SEC14L5: variants seen among roughly 807,000 people sequenced by gnomAD.
SEC14L5 encodes SEC14-like protein 5.
Under a neutral mutation model 84.6 loss-of-function variants are expected in SEC14L5, and 96 were observed. The ratio of observed to expected loss-of-function variants is 1.13; its 90% CI spans 0.96 to 1.34. SEC14L5 has a LOEUF of 1.34. Ranked by LOEUF, SEC14L5 falls within the 40% of genes most tolerant of loss-of-function variation. The pLI is 0.00. For synonymous variants in SEC14L5, 546 were observed against 383.4 expected (o/e 1.42, Z -4.95); for missense variants, 1,224 against 942.5 (o/e 1.30, Z -3.91).
chr16:4,972,954 C>T (rs962332660), intron 2 of SEC14L5, among the ~76,000 whole-genome samples: 7 of 152,220 alleles, frequency 4.6e-5, no homozygotes, highest in Admixed American at 1.3e-4. Flanking sequence ...CTCATTCATT[C>T]GTCCTGTAAA....
chr16:5,006,347 A>G (rs962159478), intron 12 of SEC14L5, among the ~76,000 whole-genome samples: 5 of 152,202 alleles, frequency 3.3e-5, no homozygotes, highest in Admixed American at 2.0e-4. Context: ...TACGCATTCT[A>G]TATTCCCATC....
chr16:4,992,210 G>A (rs1955560546), intron 6 of SEC14L5, among the ~76,000 whole-genome samples, 180 bp downstream of exon 6: 1 of 152,210 alleles, frequency 6.6e-6, no homozygotes, highest in Non-Finnish European at 1.5e-5. Context: ...CTCCATCCTG[G>A]TCCAAGAGCA....
chr16:4,975,472 CAA>C (rs55786860), intron 2 of SEC14L5, among the ~76,000 whole-genome samples: 6 of 77,332 alleles, frequency 7.8e-5, no homozygotes, highest in Non-Finnish European at 4.5e-5. Flanking sequence ...AACTCCATCT[CAA>C]AAAAAAAAAA....
chr16:4,986,324 G>C (rs1362351287), intron 2 of SEC14L5, among the ~76,000 whole-genome samples: 1 of 152,054 alleles, frequency 6.6e-6, no homozygotes, highest in Non-Finnish European at 1.5e-5. Context: ...ATTTTTAGTA[G>C]AGATGGGGTT....
At chr16:5,006,697 C>G (rs189384822) in intron 12 of SEC14L5, among the ~76,000 whole-genome samples, 117 of 152,312 alleles carry the variant, frequency 7.7e-4, no homozygotes, top group African/African-American at 2.7e-3. Flanking sequence ...AGGAATTTTT[C>G]CAGGCTTGCC....
intron 2 of SEC14L5, among the ~76,000 whole-genome samples, chr16:4,959,835 GAGGCTTTGACAGGTGA>G (rs1333986914): frequency 2.0e-5 from 3 of 152,114 alleles, no homozygotes; most frequent in African/African-American, 7.2e-5. Context: ...CCATGAAACT[GAGGCTTTGACAGGTGA>G]AGGGATGACA....
chr16:4,987,068 C>G (rs529520976), intron 2 of SEC14L5, among the ~76,000 whole-genome samples: 11 of 152,142 alleles, frequency 7.2e-5, no homozygotes, highest in African/African-American at 2.7e-4. Flanking sequence ...CGAATAGACA[C>G]GAAGAATGCA....
intron 13 of SEC14L5, 151 bp from the exon 14 acceptor site, chr16:5,008,270 C>G (rs7198316): frequency 0.31 from 190,771 of 625,068 alleles, 30,724 homozygotes; most frequent in Admixed American, 0.39. Flanking sequence ...CAGGAGAAAA[C>G]TGAGGAGAGG....
chr16:5,014,533 A>G (rs1955848303), intron 15 of SEC14L5, among the ~76,000 whole-genome samples: 1 of 152,220 alleles, frequency 6.6e-6, no homozygotes, highest in African/African-American at 2.4e-5. Context: ...GGACCATGGA[A>G]TTTGAGTGCA....
chr16:4,966,890 G>C (rs1306886944), intron 2 of SEC14L5, among the ~76,000 whole-genome samples: 1 of 152,220 alleles, frequency 6.6e-6, no homozygotes, highest in Non-Finnish European at 1.5e-5. Context: ...CCCTGCAAGG[G>C]AGAATACAGC....
intron 4 of SEC14L5, 24 bp from the exon 5 acceptor site, chr16:4,990,743 G>C: frequency 1.3e-6 from 2 of 1,593,818 alleles, no homozygotes; most frequent in South Asian, 2.3e-5. Flanking sequence ...TGAGTCCCTG[G>C]CATGACCCCT....
chr16:4,974,156 A>G (rs931357347), intron 2 of SEC14L5, among the ~76,000 whole-genome samples: 1 of 152,118 alleles, frequency 6.6e-6, no homozygotes, highest in African/African-American at 2.4e-5. Flanking sequence ...ATATTCTGGA[A>G]TAGGTATTGG....
Position 4,982,316 on chromosome 16 carries a change from C to T in SEC14L5, c.64-5241C>T, listed in dbSNP as rs369174796. The stretch of plus-strand genomic sequence containing the variant: ...TTGGAGCCTGCCTTGATCCCAATTC[C>T]GGGGCACGTGGGCTGTGACAGGCGC... On this transcript the variant is annotated intron_variant, in intron 2 of 15. Transcript: ENST00000251170. 2.6e-4 allele frequency among the ~76,000 whole-genome samples: 40 copies of T among 152,282 alleles called. No homozygotes were observed. In the South Asian group the frequency reaches 4.1e-3, roughly 16 times the overall value.
At chr16:4,964,070 TAA>T (rs1955163355) in intron 2 of SEC14L5, among the ~76,000 whole-genome samples, 1 of 152,126 alleles carries the variant, frequency 6.6e-6, no homozygotes, top group Admixed American at 6.6e-5. Flanking sequence ...GAAAAACAAT[TAA>T]GACAATGGAG....
chr16:4,968,037 G>T (rs1024620544), intron 2 of SEC14L5, among the ~76,000 whole-genome samples: 1 of 126,108 alleles, frequency 7.9e-6, no homozygotes, highest in Non-Finnish European at 1.6e-5. Context: ...TTTCTTTTTT[G>T]AGACAGGGGC....
At chr16:4,963,372 C>T (rs958423355) in intron 2 of SEC14L5, among the ~76,000 whole-genome samples, 3 of 152,066 alleles carry the variant, frequency 2.0e-5, no homozygotes, top group Admixed American at 1.3e-4. Context: ...GATGGAGTCT[C>T]GCTCGCTTTG....
chr16:4,959,302 C>G lies in SEC14L5; in HGVS notation c.-22C>G. Reference sequence around the variant, plus strand: ...TGTGCACACCCCTGCCTGGTGACCTCCATTGGTGCTCCAGCGTGAACATGG... The same window carrying G: ...TGTGCACACCCCTGCCTGGTGACCTGCATTGGTGCTCCAGCGTGAACATGG... On this transcript the variant is annotated 5_prime_UTR_variant, in exon 2 of 16. Coordinates refer to ENST00000251170, the MANE Select transcript of SEC14L5 (RefSeq NM_014692.2). 6.2e-7 allele frequency: 1 copy of G among 1,607,928 alleles called. No individual in the cohort carries two copies. Among genetic ancestry groups the G allele is most frequent in the Non-Finnish European group, 8.5e-7 (1 of 1,174,404 alleles).
At chr16:4,962,334 C>T (rs1044409745) in intron 2 of SEC14L5, among the ~76,000 whole-genome samples, 2 of 152,092 alleles carry the variant, frequency 1.3e-5, no homozygotes, top group Admixed American at 6.6e-5. Flanking sequence ...TTACTCCCTT[C>T]GCTGTTGAGT....
At chr16:5,011,647 C>G (rs112484018) in intron 15 of SEC14L5, among the ~76,000 whole-genome samples, 2 of 152,160 alleles carry the variant, frequency 1.3e-5, no homozygotes, top group African/African-American at 4.8e-5. Flanking sequence ...TTAGACAACC[C>G]TCCCCAAGTT....
Sources: gnomAD v4.1 joint callset for allele counts (sites outside exome capture counted in the v4.1 genomes callset) on GRCh38, gnomAD v4.1.1 for gene constraint, MANE v1.5 for transcripts, NCBI Gene and HGNC (gene_info 2026-07-23, HGNC 2026-07-21) for gene names.